GTF2I: variants seen among roughly 807,000 people sequenced by gnomAD.
GTF2I encodes the protein general transcription factor IIi, also known as general transcription factor II-I.
In GTF2I, 12 loss-of-function variants were observed where a neutral mutation model predicts 67.6. The ratio of observed to expected loss-of-function variants is 0.18; its 90% CI spans 0.11 to 0.29. The LOEUF is 0.29. Ranked by LOEUF, GTF2I falls within the 10% of genes least tolerant of loss-of-function variation. The probability of loss-of-function intolerance (pLI) is 1.00; values close to 1 mark genes in which losing one functional copy is unlikely to be tolerated. For missense variants in GTF2I, 271 were observed against 580.1 expected (o/e 0.47, Z 5.47); for synonymous variants, 149 against 197.0 (o/e 0.76, Z 2.04).
At chr7:74,733,072 T>G (rs1179347810) in intron 15 of GTF2I, among the ~76,000 whole-genome samples, 2 of 139,682 alleles carry the variant, frequency 1.4e-5, no homozygotes, top group Admixed American at 7.4e-5. Context: ...GTTCAAGCGA[T>G]TCTCATGCCT....
At position 74,689,244 on chromosome 7, in the gene GTF2I, C is replaced by T; in HGVS notation, c.99+17C>T. ...GAGTCCATGGTGAGGCCTTCTGTTC[C>T]ATCATTCCATAGTTGGGTAGGCCTG... On this transcript the variant is annotated intron_variant, in intron 2 of 34. Coordinates refer to ENST00000573035, the MANE Select transcript of GTF2I (RefSeq NM_032999.4). 1 of 1,374,864 alleles carries T rather than the reference C, an allele frequency of 7.3e-7. No homozygotes were observed. Among genetic ancestry groups the T allele is most frequent in the East Asian group, 2.3e-5 (1 of 43,686 alleles). The allele number at this position is 1,374,864 out of a possible 1,614,324, so 85.2% of individuals were successfully genotyped here. A position where few individuals can be genotyped will look rare whatever the true frequency, so the allele number is the denominator to read the frequency against.
At chr7:74,668,608 C>G (rs587702457) in intron 1 of GTF2I, among the ~76,000 whole-genome samples, 2 of 152,072 alleles carry the variant, frequency 1.3e-5, no homozygotes, top group African/African-American at 4.8e-5. Flanking sequence ...GAGTCTCACT[C>G]TGTCACCCAG....
At chr7:74,675,977 T>C (rs782054536) in intron 1 of GTF2I, among the ~76,000 whole-genome samples, 19 of 152,152 alleles carry the variant, frequency 1.2e-4, no homozygotes, top group Non-Finnish European at 2.5e-4. Context: ...GCCACTGCAC[T>C]GCAGCCTGGG....
In GTF2I at chr7:74,723,716, C is replaced by T. The variant is rs1263914512; in HGVS notation, c.943+4775C>T. 2.1e-4 allele frequency among the ~76,000 whole-genome samples: 32 copies of T among 151,956 alleles called. 1 individual carries two copies. The highest frequency in any genetic ancestry group is 2.1e-3 in the Admixed American group (32 of 15,250). ...AAAGTGCTAGGATTACAGGCATGAA[C>T]CACCGCGCCTGGCCACGGTGCTAAG... On this transcript the variant is annotated intron_variant, in intron 12 of 34. Transcript: ENST00000573035.
intron 3 of GTF2I, among the ~76,000 whole-genome samples, chr7:74,694,501 C>T (rs1427973745): frequency 4.6e-5 from 7 of 152,064 alleles, no homozygotes; most frequent in East Asian, 1.9e-4. Flanking sequence ...GTACGAGAAT[C>T]GCTTGAGCCC....
intron 1 of GTF2I, among the ~76,000 whole-genome samples, chr7:74,674,310 C>T (rs1805713126): frequency 6.6e-6 from 1 of 152,128 alleles, no homozygotes; most frequent in East Asian, 1.9e-4. Context: ...AAGCAGCCCT[C>T]CCACGTCAGC....
At chr7:74,659,972 G>C (rs587693928) in intron 1 of GTF2I, among the ~76,000 whole-genome samples, 15 of 152,298 alleles carry the variant, frequency 9.8e-5, no homozygotes, top group African/African-American at 3.6e-4. Flanking sequence ...CAGGTAGAGT[G>C]CCCTGCGGAG....
intron 1 of GTF2I, among the ~76,000 whole-genome samples, chr7:74,662,030 G>A (rs1554386784): frequency 1.3e-5 from 2 of 151,972 alleles, no homozygotes; most frequent in Non-Finnish European, 2.9e-5. Flanking sequence ...TTGGAGGTAG[G>A]GGGGTTGGGG....
intron 1 of GTF2I, among the ~76,000 whole-genome samples, chr7:74,662,990 G>T (rs1804657127): frequency 6.6e-6 from 1 of 151,896 alleles, no homozygotes; most frequent in Admixed American, 6.6e-5. Context: ...CTATGTTCTG[G>T]CATTTTCGAT....
At chr7:74,658,161 G>C (rs1554384536) in intron 1 of GTF2I, 93 bp downstream of exon 1, 1 of 151,282 alleles carries the variant, frequency 6.6e-6, no homozygotes, top group African/African-American at 2.4e-5. Flanking sequence ...GCCCCGCCGG[G>C]GCCTGCAGGG....
chr7:74,696,152 T>C (rs774859240), intron 3 of GTF2I, among the ~76,000 whole-genome samples: 3 of 149,036 alleles, frequency 2.0e-5, no homozygotes, highest in Admixed American at 6.7e-5. Context: ...TGGCTAATTT[T>C]TGTATTTTTA....
chr7:74,704,706 G>T (rs1554400807), intron 6 of GTF2I, among the ~76,000 whole-genome samples: 1 of 151,718 alleles, frequency 6.6e-6, no homozygotes, highest in Admixed American at 6.6e-5. Flanking sequence ...AAAACAATTA[G>T]CTGGGAGTGG....
intron 2 of GTF2I, among the ~76,000 whole-genome samples, chr7:74,689,839 C>A (rs1788106138): frequency 6.6e-6 from 1 of 152,122 alleles, no homozygotes; most frequent in Admixed American, 6.5e-5. Flanking sequence ...CCTCAGACTC[C>A]CGAGTAGCTG....
chr7:74,680,531 A>G (rs1389658384), intron 1 of GTF2I, among the ~76,000 whole-genome samples: 7 of 151,994 alleles, frequency 4.6e-5, no homozygotes, highest in Non-Finnish European at 7.4e-5. Context: ...ATTTGATCTC[A>G]GGAGTTCGAG....
At chr7:74,689,094 A>T in intron 1 of GTF2I, 30 bp from the exon 2 acceptor site, 1 of 1,313,556 alleles carries the variant, frequency 7.6e-7, no homozygotes, top group Non-Finnish European at 1.1e-6. Flanking sequence ...GATTTCTACC[A>T]CTCACTTTCT....
In GTF2I at chr7:74,669,736, T is replaced by C. The variant is rs376106044; in HGVS notation, c.-6+11668T>C. 5.3e-5 allele frequency among the ~76,000 whole-genome samples: 8 copies of C among 152,246 alleles called. No homozygotes were observed. In the East Asian group the frequency reaches 1.5e-3, roughly 29 times the overall value. On this transcript the variant is annotated intron_variant, in intron 1 of 34. Coordinates refer to ENST00000573035, the MANE Select transcript of GTF2I (RefSeq NM_032999.4). ...TTAGTAGAGACGGGGTTTCACCATA[T>C]TGGCCAGGCTGGTCTCAAATTCCTG...
At chr7:74,695,558 C>T (rs1788805416) in intron 3 of GTF2I, among the ~76,000 whole-genome samples, 1 of 152,132 alleles carries the variant, frequency 6.6e-6, no homozygotes, top group African/African-American at 2.4e-5. Context: ...CATTCAGCAA[C>T]TTATTAGTGA....
At position 74,690,934 on chromosome 7, in the gene GTF2I, C is replaced by T. The variant is rs782404935; in HGVS notation, c.100-39C>T. On this transcript the variant is annotated intron_variant, in intron 2 of 34. Transcript: ENST00000573035. ...ATCGAGCAGAAATGATGCTCTTAAA[C>T]GTCCGCCTGTAACATGATGTTTGCT... 66 of 1,584,436 alleles carry T rather than the reference C, an allele frequency of 4.2e-5. 1 individual carries two copies. The highest frequency in any genetic ancestry group is 3.9e-4 in the South Asian group (33 of 84,932).
chr7:74,717,082 C>T, intron 11 of GTF2I, 132 bp downstream of exon 11: 2 of 1,312,430 alleles, frequency 1.5e-6, no homozygotes, highest in South Asian at 3.3e-5. Flanking sequence ...TCCTAGCCAA[C>T]AGGTTATTAT....
Sources: gnomAD v4.1 joint callset for allele counts (sites outside exome capture counted in the v4.1 genomes callset) on GRCh38, gnomAD v4.1.1 for gene constraint, MANE v1.5 for transcripts, NCBI Gene and HGNC (gene_info 2026-07-23, HGNC 2026-07-21) for gene names.